FSTL5: variants seen among roughly 807,000 people sequenced by gnomAD.
The protein encoded by FSTL5 is follistatin-related protein 5.
FSTL5 carries 62 observed loss-of-function variants against 89.1 expected under a neutral mutation model. That is an observed-to-expected ratio of 0.70 (90% CI 0.57 to 0.86). The LOEUF is 0.86. FSTL5 is among the 40% of genes least tolerant of loss of function. FSTL5 has a pLI of 0.00. For synonymous variants in FSTL5, 383 were observed against 346.2 expected (o/e 1.11, Z -1.18); for missense variants, 1,057 against 1,001.6 (o/e 1.06, Z -0.75).
At chr4:161,905,663 G>A (rs1165629549) in intron 4 of FSTL5, among the ~76,000 whole-genome samples, 1 of 152,078 alleles carries the variant, frequency 6.6e-6, no homozygotes, top group East Asian at 1.9e-4. Context: ...AGGAAACTGC[G>A]AATTAGACCA....
chr4:161,858,087 A>G (rs1272811555), intron 4 of FSTL5, among the ~76,000 whole-genome samples: 3 of 152,178 alleles, frequency 2.0e-5, no homozygotes, highest in Admixed American at 1.3e-4. Context: ...TGATTAGGTC[A>G]TGAGACAAGA....
chr4:161,960,362 G>A (rs1735143837), intron 3 of FSTL5, among the ~76,000 whole-genome samples: 1 of 151,456 alleles, frequency 6.6e-6, no homozygotes, highest in South Asian at 2.1e-4. Flanking sequence ...TTTTAGTAGA[G>A]ATGAGGCTTC....
intron 1 of FSTL5, among the ~76,000 whole-genome samples, chr4:162,144,793 T>C (rs1468931248): frequency 6.6e-6 from 1 of 152,050 alleles, no homozygotes; most frequent in Non-Finnish European, 1.5e-5. Context: ...TTTTAATTTG[T>C]TATTTGTTTG....
intron 7 of FSTL5, among the ~76,000 whole-genome samples, chr4:161,649,789 G>T (rs949748838): frequency 3.3e-5 from 5 of 152,124 alleles, no homozygotes; most frequent in African/African-American, 1.2e-4. Context: ...ATCTATAAAT[G>T]GTTGTGGGAT....
chr4:161,808,854 A>AT (rs1269698876), intron 4 of FSTL5, among the ~76,000 whole-genome samples: 3 of 152,180 alleles, frequency 2.0e-5, no homozygotes, highest in Non-Finnish European at 4.4e-5. Flanking sequence ...TTGAATAGAC[A>AT]TTTTCCTAGA....
chr4:161,962,978 G>A (rs1735223897), intron 3 of FSTL5, among the ~76,000 whole-genome samples: 1 of 151,912 alleles, frequency 6.6e-6, no homozygotes, highest in African/African-American at 2.4e-5. Context: ...CACAAGCTTT[G>A]GGGTCAGAAC....
intron 3 of FSTL5, among the ~76,000 whole-genome samples, chr4:161,975,780 A>G (rs972256265): frequency 6.7e-6 from 1 of 148,886 alleles, no homozygotes; most frequent in Non-Finnish European, 1.5e-5. Flanking sequence ...AAAATAAAAT[A>G]AAATAAAATA....
chr4:161,859,626 G>C (rs1330194311), intron 4 of FSTL5, among the ~76,000 whole-genome samples: 1 of 152,118 alleles, frequency 6.6e-6, no homozygotes, highest in Non-Finnish European at 1.5e-5. Flanking sequence ...TATGTAAAAC[G>C]TAGAGTATTA....
intron 15 of FSTL5, among the ~76,000 whole-genome samples, chr4:161,398,222 C>G (rs975320615): frequency 6.6e-6 from 1 of 152,026 alleles, no homozygotes; most frequent in Admixed American, 6.6e-5. Flanking sequence ...TATTGCAGCA[C>G]TGGTTGCAAC....
chr4:161,669,151 A>AAAAT lies in FSTL5; in HGVS notation c.728-12661_728-12658dup, dbSNP rs371057731. Among the ~76,000 whole-genome samples the AAAAT allele has an allele frequency of 5.1e-3, 767 of 150,946 alleles. 7 individuals carry two copies. The highest frequency in any genetic ancestry group is 0.038 in the South Asian group (178 of 4,742). On this transcript the variant is annotated intron_variant, in intron 6 of 15. Coordinates refer to ENST00000306100, the MANE Select transcript of FSTL5 (RefSeq NM_020116.5). Reference sequence around the variant, plus strand: ...AATAAAATAAAATAAAAGAAAAAGAAAAATAAATAAATAAATAGATAATCC... The same window carrying AAAAT: ...AATAAAATAAAATAAAAGAAAAAGAAAAATAAATAAATAAATAAATAGATAATCC...
chr4:161,429,828 A>T (rs1401862236), intron 15 of FSTL5, among the ~76,000 whole-genome samples: 1 of 152,174 alleles, frequency 6.6e-6, no homozygotes, highest in African/African-American at 2.4e-5. Flanking sequence ...TGAATGTTCA[A>T]TGCCCAGAAC....
At chr4:161,527,983 A>C (rs543302723) in intron 10 of FSTL5, among the ~76,000 whole-genome samples, 1 of 149,560 alleles carries the variant, frequency 6.7e-6, no homozygotes, top group African/African-American at 2.5e-5. Context: ...TGATGAGTTC[A>C]TGTCCTTTGT....
intron 3 of FSTL5, among the ~76,000 whole-genome samples, chr4:162,026,232 T>C (rs1737276734): frequency 6.6e-6 from 1 of 151,088 alleles, no homozygotes; most frequent in Admixed American, 6.6e-5. Flanking sequence ...ATCAAACACA[T>C]TTTGGTTATT....
intron 4 of FSTL5, among the ~76,000 whole-genome samples, chr4:161,790,294 T>G: frequency 6.6e-6 from 1 of 152,030 alleles, no homozygotes; most frequent in East Asian, 1.9e-4. Flanking sequence ...TTAAGAAAGG[T>G]GTCCACCTGA....
chr4:161,899,965 C>CAGGGGT (rs1733298802), intron 4 of FSTL5, among the ~76,000 whole-genome samples: 1 of 152,100 alleles, frequency 6.6e-6, no homozygotes, highest in Non-Finnish European at 1.5e-5. Flanking sequence ...GTGGTCAAGG[C>CAGGGGT]GGATGGATCA....
At chr4:161,603,454 C>T (rs970030263) in intron 7 of FSTL5, among the ~76,000 whole-genome samples, 14 of 152,054 alleles carry the variant, frequency 9.2e-5, no homozygotes, top group African/African-American at 2.9e-4. Flanking sequence ...GGAAAGGCCA[C>T]GTGCAAACAC....
chr4:161,977,271 T>C (rs1159978435), intron 3 of FSTL5, among the ~76,000 whole-genome samples: 1 of 152,096 alleles, frequency 6.6e-6, no homozygotes, highest in Non-Finnish European at 1.5e-5. Context: ...TCAAAATTCA[T>C]TTAAATGGTT....
At chr4:162,017,528 C>T (rs182868769) in intron 3 of FSTL5, among the ~76,000 whole-genome samples, 27 of 152,182 alleles carry the variant, frequency 1.8e-4, no homozygotes, top group Non-Finnish European at 3.5e-4. Context: ...GTGTCTATTG[C>T]CATTTTGAAG....
rs575369712 is a variant in FSTL5, at chr4:161,703,069, CTGTT to C, written c.728-46579_728-46576del. On this transcript the variant is annotated intron_variant, in intron 6 of 15. Coordinates refer to ENST00000306100, the MANE Select transcript of FSTL5 (RefSeq NM_020116.5). Reference sequence around the variant, plus strand: ...GAGATATGCACACGTAAAGAAAAGACTGTTTGAGGACGCAGAGAGAGAGGGTCAT... The same window carrying C: ...GAGATATGCACACGTAAAGAAAAGACTGAGGACGCAGAGAGAGAGGGTCAT... 5.9e-5 allele frequency among the ~76,000 whole-genome samples: 9 copies of C among 152,138 alleles called. No homozygotes were observed. The South Asian group carries it at 1.2e-3, about 21-fold the overall frequency.
Sources: allele counts gnomAD v4.1 joint callset (sites outside exome capture counted in the v4.1 genomes callset), GRCh38; gene constraint gnomAD v4.1.1; transcripts MANE v1.5; gene names NCBI Gene and HGNC (gene_info 2026-07-23, HGNC 2026-07-21).